VPS13A: variants seen among roughly 807,000 people sequenced by gnomAD.
The protein encoded by VPS13A is vacuolar protein sorting 13 homolog A.
Under a neutral mutation model 390.9 loss-of-function variants are expected in VPS13A, and 264 were observed. That is an observed-to-expected ratio of 0.68 (90% CI 0.61 to 0.75). The LOEUF (loss-of-function observed/expected upper bound fraction) is 0.75, where lower values mean the gene tolerates loss of function less well. Ranked by LOEUF, VPS13A falls within the 30% of genes least tolerant of loss-of-function variation. VPS13A has a pLI of 0.00. For synonymous variants in VPS13A, 1,231 were observed against 1,227.1 expected (o/e 1.00, Z -0.07); for missense variants, 3,409 against 3,733.9 (o/e 0.91, Z 2.27).
At chr9:77,193,261 A>G (rs1212995670) in intron 1 of VPS13A, among the ~76,000 whole-genome samples, 1 of 152,130 alleles carries the variant, frequency 6.6e-6, no homozygotes, top group Non-Finnish European at 1.5e-5. Flanking sequence ...GAGTCCTTAA[A>G]TTCCGTGGAT....
rs150506519 is a variant in VPS13A at position 77,271,266 on chromosome 9, A to G, written c.2428-2014A>G. On this transcript the variant is annotated intron_variant, in intron 23 of 71. Coordinates refer to ENST00000360280, the MANE Select transcript of VPS13A (RefSeq NM_033305.3). ...AGCCACATAGAAATACTACTACACA[A>G]TGGTTAGAATGGCTAAAAATAAGAA... 3.7e-3 allele frequency among the ~76,000 whole-genome samples: 564 copies of G among 152,324 alleles called. 7 individuals carry two copies. The highest frequency in any genetic ancestry group is 0.022 in the East Asian group (115 of 5,188).
At chr9:77,371,707 G>T (rs867156115) in intron 67 of VPS13A, among the ~76,000 whole-genome samples, 5 of 149,760 alleles carry the variant, frequency 3.3e-5, no homozygotes, top group African/African-American at 4.9e-5. Flanking sequence ...TGCACATTGC[G>T]CAGGTTAGTT....
intron 23 of VPS13A, among the ~76,000 whole-genome samples, chr9:77,260,828 C>G (rs1314732532): frequency 6.6e-6 from 1 of 151,936 alleles, no homozygotes. Flanking sequence ...GTGGCATATA[C>G]TAGTACACAC....
At chr9:77,410,333 G>T (rs943697028) in intron 71 of VPS13A, among the ~76,000 whole-genome samples, 62 of 152,300 alleles carry the variant, frequency 4.1e-4, no homozygotes, top group Non-Finnish European at 7.6e-4. Flanking sequence ...ACCAGCCACT[G>T]CAAAAACATG....
At chr9:77,350,375 C>G (rs1831385429) in intron 52 of VPS13A, among the ~76,000 whole-genome samples, 1 of 152,114 alleles carries the variant, frequency 6.6e-6, no homozygotes, top group Non-Finnish European at 1.5e-5. Flanking sequence ...TAATTGTTCA[C>G]TACAGGTTCC....
chr9:77,207,213 T>TTATATATATATATATATATATATATATA (rs61703004), intron 5 of VPS13A, among the ~76,000 whole-genome samples: 1 of 43,096 alleles, frequency 2.3e-5, no homozygotes. Context: ...TATTTAGATA[T>TTATATATATATATATATATATATATATA]TATATATATA....
intron 62 of VPS13A, among the ~76,000 whole-genome samples, chr9:77,368,898 C>T (rs983287004): frequency 1.3e-5 from 2 of 152,136 alleles, no homozygotes; most frequent in African/African-American, 2.4e-5. Context: ...CTTTGGGAGG[C>T]TGAGGCTGGT....
At chr9:77,283,331 T>C in intron 29 of VPS13A, 24 bp from the exon 30 acceptor site, 1 of 1,377,250 alleles carries the variant, frequency 7.3e-7, no homozygotes, top group Non-Finnish European at 1.0e-6. Flanking sequence ...CCTCATGTTT[T>C]ATAATATGAA....
At chr9:77,268,018 C>G (rs560120635) in intron 23 of VPS13A, among the ~76,000 whole-genome samples, 2 of 152,200 alleles carry the variant, frequency 1.3e-5, no homozygotes, top group East Asian at 1.9e-4. Flanking sequence ...CCGCTCCCCC[C>G]ACCAAGCATC....
intron 67 of VPS13A, 111 bp downstream of exon 67, chr9:77,371,260 TATAAC>T: frequency 1.4e-6 from 2 of 1,452,572 alleles, no homozygotes; most frequent in Non-Finnish European, 1.9e-6. Context: ...TTTGTGCTGC[TATAAC>T]ATACCACATA....
At position 77,283,689 on chromosome 9, in the gene VPS13A, A is replaced by G. The variant is rs201702514; in HGVS notation, c.3339+39A>G. On this transcript the variant is annotated intron_variant, in intron 31 of 71. Transcript: ENST00000360280. ...TAATTAAATAATAGTACATCATTAA[A>G]TAGGATTGTCCTTTAAGAGTGGTCA... 1.3e-3 allele frequency: 1,834 copies of G among 1,457,820 alleles called. 3 individuals are homozygous for G. Among genetic ancestry groups the G allele is most frequent in the Non-Finnish European group, 1.5e-3 (1,614 of 1,056,596 alleles). The allele number at this position is 1,457,820 out of a possible 1,614,324, so 90.3% of individuals were successfully genotyped here.
chr9:77,403,198 T>TATCA (rs1339123199), intron 68 of VPS13A, 38 bp from the exon 69 acceptor site: 1 of 1,475,084 alleles, frequency 6.8e-7, no homozygotes, highest in Non-Finnish European at 9.5e-7. Context: ...TAGGAAATAC[T>TATCA]ATCAATTTTC....
At chr9:77,265,230 T>G (rs1295571013) in intron 23 of VPS13A, among the ~76,000 whole-genome samples, 2 of 152,232 alleles carry the variant, frequency 1.3e-5, no homozygotes, top group Non-Finnish European at 2.9e-5. Flanking sequence ...ACATTGACGT[T>G]CATCAGGGAT....
chr9:77,290,562 T>G (rs1257146003), intron 31 of VPS13A, among the ~76,000 whole-genome samples: 2 of 152,100 alleles, frequency 1.3e-5, no homozygotes, highest in Non-Finnish European at 2.9e-5. Flanking sequence ...CTTGAATTCC[T>G]GAAATTCTTG....
Position 77,337,374 on chromosome 9 carries a change from C to T in VPS13A, c.6215C>T (p.Pro2072Leu), listed in dbSNP as rs2131498658. The T allele has an allele frequency of 1.2e-6, 2 of 1,612,658 alleles. No homozygotes were observed. The highest frequency in any genetic ancestry group is 8.5e-7 in the Non-Finnish European group (1 of 1,179,030). ...LLKKKCRSKNPSKESFLINIV... is the reference protein window; with the variant it reads ...LLKKKCRSKNLSKESFLINIV... ...AAGAAGAAATGTAGATCTAAAAACC[C>T]TTCTAAGGAATCATTTCTCATTAAT... The change falls in exon 47 of 72, where the codon CCT becomes CTT. Residue 2072 changes from proline (P) to leucine (L), a missense_variant. Pro to Leu is a moderately conservative substitution (Grantham distance 98, BLOSUM62 -3). This residue lies in a region of VPS13A where 2,717 missense variants were observed against 2,917.4 expected (regional missense o/e 0.93). Coordinates refer to ENST00000360280, the MANE Select transcript of VPS13A (RefSeq NM_033305.3).
chr9:77,238,409 G>A (rs1184383116), intron 19 of VPS13A, 23 bp downstream of exon 19: 6 of 1,527,110 alleles, frequency 3.9e-6, no homozygotes, highest in Admixed American at 3.3e-5. Context: ...ATTAATGTTG[G>A]TGAATTAAAT....
chr9:77,371,730 A>C (rs1416555115), intron 67 of VPS13A, among the ~76,000 whole-genome samples: 6 of 150,552 alleles, frequency 4.0e-5, no homozygotes, highest in African/African-American at 1.5e-4. Context: ...ATATGTATAC[A>C]TGTGCCATGC....
At position 77,357,678 on chromosome 9, in the gene VPS13A, G is replaced by T; in HGVS notation, c.7807-14G>T. ...ATAAATTAATTTTTTCATTTGGGGG[G>T]ACATATTTTTCAGGTTCGCCTAACC... On this transcript the variant is annotated splice_polypyrimidine_tract_variant and intron_variant, in intron 55 of 71. Coordinates refer to ENST00000360280, the MANE Select transcript of VPS13A (RefSeq NM_033305.3). 6.2e-7 allele frequency: 1 copy of T among 1,612,500 alleles called. No homozygotes were observed. Among genetic ancestry groups the T allele is most frequent in the Non-Finnish European group, 8.5e-7 (1 of 1,179,286 alleles).
At chr9:77,209,839 A>G (rs1825870614) in intron 6 of VPS13A, among the ~76,000 whole-genome samples, 1 of 152,160 alleles carries the variant, frequency 6.6e-6, no homozygotes, top group African/African-American at 2.4e-5. Context: ...TCCTGGATGG[A>G]GTACTGGTCT....
Sources: gnomAD v4.1 joint callset for allele counts (sites outside exome capture counted in the v4.1 genomes callset) on GRCh38, gnomAD v4.1.1 for gene constraint, gnomAD v4.1.1 regional missense constraint, MANE v1.5 for transcripts, NCBI Gene and HGNC (gene_info 2026-07-23, HGNC 2026-07-21) for gene names.